Variants in CNGA1 observed in about 807,000 individuals in gnomAD.
CNGA1 encodes cyclic nucleotide-gated channel alpha-1.
In CNGA1, 53 loss-of-function variants were observed where a neutral mutation model predicts 69.7. The observed-to-expected ratio is 0.76, with a 90% CI of 0.61 to 0.96. CNGA1 has a LOEUF of 0.96. CNGA1 is among the 40% of genes least tolerant of loss of function. The pLI is 0.00. For missense variants in CNGA1, 739 were observed against 811.2 expected, an observed-to-expected ratio of 0.91 and a Z score of 1.08; for synonymous variants, 249 against 283.5, an observed-to-expected ratio of 0.88 and a Z score of 1.22.
In CNGA1 at chr4:47,937,538, T is replaced by A. The variant is rs1303643864; in HGVS notation, c.944A>T (p.Tyr315Phe). 2 of 1,614,072 alleles carry A rather than the reference T, an allele frequency of 1.2e-6. No homozygotes were observed. Among genetic ancestry groups the A allele is most frequent in the Non-Finnish European group, 1.7e-6 (2 of 1,180,024 alleles). ...AAATCCAATAGCTTTAGAAATAGAGTAGAACACACATGCATTCCAGTGGAT... is the reference window on the plus strand; with the variant it reads ...AAATCCAATAGCTTTAGAAATAGAGAAGAACACACATGCATTCCAGTGGAT... Reference protein sequence around the residue: ...IIIHWNACVFYSISKAIGFGN... With the variant: ...IIIHWNACVFFSISKAIGFGN... Residue 315 changes from tyrosine (Y) to phenylalanine (F), a missense_variant, in exon 11 of 11, where the codon TAC (tyrosine) becomes TTC (phenylalanine). Transcript: ENST00000514170.
intron 6 of CNGA1, among the ~76,000 whole-genome samples, chr4:47,947,649 A>G (rs1345177173): frequency 6.6e-6 from 1 of 152,144 alleles, no homozygotes; most frequent in Non-Finnish European, 1.5e-5. Context: ...CAGCACAGGC[A>G]ACTGAGTGAG....
intron 3 of CNGA1, among the ~76,000 whole-genome samples, chr4:47,958,641 G>A (rs1408802283): frequency 4.0e-5 from 6 of 151,158 alleles, no homozygotes; most frequent in African/African-American, 1.2e-4. Context: ...AAAAATAGAC[G>A]TAGATGATTA....
At chr4:47,939,783 T>C (rs1738956898) in intron 10 of CNGA1, among the ~76,000 whole-genome samples, 1 of 152,160 alleles carries the variant, frequency 6.6e-6, no homozygotes, top group East Asian at 1.9e-4. Context: ...TAACATACAA[T>C]GGGTTGTTGT....
chr4:47,965,478 G>A (rs2110186581), intron 3 of CNGA1, among the ~76,000 whole-genome samples: 2 of 150,670 alleles, frequency 1.3e-5, no homozygotes, highest in East Asian at 3.9e-4. Context: ...CCAGACTGGA[G>A]TACGGTGGTG....
Position 47,936,508 on chromosome 4 carries a change from A to T in CNGA1, c.1974T>A (p.Val658=), listed in dbSNP as rs529542511. Residue 658 remains valine (V), a synonymous_variant, in exon 11 of 11, where the codon GTT becomes GTA. Coordinates refer to ENST00000514170, the MANE Select transcript of CNGA1 (RefSeq NM_001379270.1). Reference sequence around the variant, plus strand: ...CAATAAGCGGTTTCAGAAATTTCTCAACCTTGGTTAATCTTTGTTTCAGTT... The same window carrying T: ...CAATAAGCGGTTTCAGAAATTTCTCTACCTTGGTTAATCTTTGTTTCAGTT... The part of the protein sequence containing the change: ...QQKLKQRLTK[V]EKFLKPLIDT... 6.8e-6 allele frequency: 11 copies of T among 1,614,168 alleles called. No individual in the cohort carries two copies. The Admixed American group carries it at 1.7e-4, about 24-fold the overall frequency.
intron 2 of CNGA1, among the ~76,000 whole-genome samples, chr4:48,005,024 T>C (rs763457644): frequency 1.9e-4 from 29 of 152,234 alleles, no homozygotes; most frequent in Non-Finnish European, 4.0e-4. Flanking sequence ...AGGTGTACTA[T>C]AGTTTTTGAA....
intron 3 of CNGA1, among the ~76,000 whole-genome samples, chr4:47,969,582 GCCTCAGCCTCC>G (rs1172237212): frequency 2.0e-5 from 3 of 151,954 alleles, no homozygotes; most frequent in Non-Finnish European, 4.4e-5. Context: ...CAATTCTCCT[GCCTCAGCCTCC>G]CTAGTAGCTG....
intron 3 of CNGA1, among the ~76,000 whole-genome samples, chr4:47,961,792 G>C (rs918731471): frequency 2.0e-5 from 3 of 152,162 alleles, no homozygotes; most frequent in African/African-American, 7.2e-5. Context: ...CTGAGCACTG[G>C]AAATGTGGCT....
intron 2 of CNGA1, among the ~76,000 whole-genome samples, chr4:48,008,084 T>C (rs1714997773): frequency 6.6e-6 from 1 of 152,210 alleles, no homozygotes; most frequent in Admixed American, 6.5e-5. Context: ...TTCTTTACTA[T>C]ATAAATGTTT....
chr4:47,955,507 G>T (rs1163019802), intron 3 of CNGA1, among the ~76,000 whole-genome samples: 1 of 151,990 alleles, frequency 6.6e-6, no homozygotes, highest in East Asian at 1.9e-4. Context: ...TTTAATGATT[G>T]GTCTATGCTA....
intron 3 of CNGA1, among the ~76,000 whole-genome samples, chr4:47,979,510 T>C (rs766040672): frequency 6.6e-6 from 1 of 152,144 alleles, no homozygotes; most frequent in Admixed American, 6.6e-5. Flanking sequence ...GGCTGTAGCA[T>C]CCTATGGATT....
chr4:47,986,222 C>G (rs1741973251), intron 2 of CNGA1, among the ~76,000 whole-genome samples: 1 of 151,996 alleles, frequency 6.6e-6, no homozygotes. Flanking sequence ...AGCCTGGTCA[C>G]TATGGTGAAA....
intron 6 of CNGA1, among the ~76,000 whole-genome samples, chr4:47,948,410 A>T (rs1231293007): frequency 6.6e-6 from 1 of 152,200 alleles, no homozygotes; most frequent in Non-Finnish European, 1.5e-5. Context: ...CTATGCCTGT[A>T]TAGAATGCAT....
Position 47,942,134 on chromosome 4 carries a change from A to G in CNGA1, c.452T>C (p.Val151Ala). The change falls in exon 9 of 11, where the codon GTT (valine) becomes GCT (alanine). Residue 151 changes from valine to alanine, a missense_variant. By Grantham distance (64) the Val-to-Ala change is moderately conservative. Transcript: ENST00000514170. ...KDKKEEEKKE[V>A]VVIDPSGNTY... The stretch of plus-strand genomic sequence containing the variant: ...GTTTCCCGAGGGATCAATAACCACA[A>G]CTTCTTTCTTCTCCCTAGCGGCAAT... 2.5e-6 allele frequency: 4 copies of G among 1,611,608 alleles called. No homozygotes were observed. Among genetic ancestry groups the G allele is most frequent in the Non-Finnish European group, 3.4e-6 (4 of 1,177,774 alleles).
intron 2 of CNGA1, among the ~76,000 whole-genome samples, chr4:48,001,758 C>A (rs989933597): frequency 6.6e-6 from 1 of 152,180 alleles, no homozygotes; most frequent in Non-Finnish European, 1.5e-5. Flanking sequence ...TAACTTGGAA[C>A]ATCCACCAAG....
intron 2 of CNGA1, among the ~76,000 whole-genome samples, chr4:48,006,987 C>T (rs1170503686): frequency 6.6e-6 from 1 of 150,678 alleles, no homozygotes; most frequent in South Asian, 2.1e-4. Flanking sequence ...CTTGATATCA[C>T]AAAATAGGAT....
intron 3 of CNGA1, among the ~76,000 whole-genome samples, chr4:47,968,588 A>ACACTC (rs1457137511): frequency 6.6e-6 from 1 of 152,190 alleles, no homozygotes; most frequent in Non-Finnish European, 1.5e-5. Context: ...CAATAATAGG[A>ACACTC]CACTCCTACT....
intron 3 of CNGA1, among the ~76,000 whole-genome samples, chr4:47,958,624 A>G (rs1312442144): frequency 6.6e-6 from 1 of 151,056 alleles, no homozygotes; most frequent in East Asian, 1.9e-4. Flanking sequence ...TCCGCCTCAA[A>G]AAAAAAAAAA....
intron 5 of CNGA1, 60 bp downstream of exon 5, chr4:47,951,292 AC>A (rs989062339): frequency 9.1e-7 from 1 of 1,104,200 alleles, no homozygotes; most frequent in Admixed American, 1.7e-5. Context: ...AATTCAAAAC[AC>A]TGCAACCTTA....
Sources: allele counts gnomAD v4.1 joint callset (sites outside exome capture counted in the v4.1 genomes callset), GRCh38; gene constraint gnomAD v4.1.1; transcripts MANE v1.5; gene names NCBI Gene and HGNC (gene_info 2026-07-23, HGNC 2026-07-21).